PCGF3: variants seen among roughly 807,000 people sequenced by gnomAD.
PCGF3 encodes the protein polycomb group RING finger protein 3.
A neutral mutation model predicts 33.1 loss-of-function variants in PCGF3; 7 were observed. The ratio of observed to expected loss-of-function variants is 0.21; its 90% CI spans 0.12 to 0.40. The LOEUF is 0.40. Among genes scored for constraint, PCGF3 ranks in the 10% least tolerant of loss-of-function variants. PCGF3 has a pLI of 1.00. For synonymous variants in PCGF3, 153 were observed against 121.3 expected, an observed-to-expected ratio of 1.26 and a Z score of -1.72; for missense variants, 211 against 313.3, an observed-to-expected ratio of 0.67 and a Z score of 2.46.
At chr4:730,229 G>A (rs969075288) in intron 1 of PCGF3, among the ~76,000 whole-genome samples, 3 of 152,232 alleles carry the variant, frequency 2.0e-5, no homozygotes, top group Admixed American at 2.0e-4. Context: ...TGGCTGCGTC[G>A]TGGAGCCAGC....
Position 725,699 on chromosome 4 carries a change from C to T in PCGF3, c.-189-4931C>T, listed in dbSNP as rs920320133. On this transcript the variant is annotated intron_variant, in intron 1 of 10. Transcript: ENST00000362003. ...TCTGCGCTGTGGCTGTGTGGGCTGC[C>T]GAGGGCTGCTGTGGGCTCTGTGCTG... 5.2e-4 allele frequency among the ~76,000 whole-genome samples: 79 copies of T among 151,130 alleles called. 3 individuals are homozygous for T. Among genetic ancestry groups the T allele is most frequent in the Non-Finnish European group, 1.6e-4 (11 of 67,684 alleles).
intron 1 of PCGF3, among the ~76,000 whole-genome samples, chr4:718,967 T>G (rs572003465): frequency 1.3e-5 from 2 of 152,320 alleles, no homozygotes; most frequent in South Asian, 2.1e-4. Context: ...CTTTTTTTAA[T>G]TTTTTGAGTT....
chr4:716,081 C>T (rs75459287), intron 1 of PCGF3, among the ~76,000 whole-genome samples: 17 of 97,520 alleles, frequency 1.7e-4, no homozygotes, highest in East Asian at 3.3e-4. Flanking sequence ...GTGTGAGAAC[C>T]GGGCATCGGT....
chr4:769,918 ATTT>A (rs1246105860), exon 11 of PCGF3: 4 of 152,554 alleles, frequency 2.6e-5, no homozygotes, highest in Non-Finnish European at 5.9e-5. Flanking sequence ...GAAAGTTTAC[ATTT>A]TTTATGCTTT....
intron 6 of PCGF3, among the ~76,000 whole-genome samples, chr4:740,035 C>T (rs1744018794): frequency 6.6e-6 from 1 of 152,244 alleles, no homozygotes; most frequent in South Asian, 2.1e-4. Context: ...AAACTATTAG[C>T]AGTGCACCTA....
rs183822348 is a variant in PCGF3 at position 709,417 on chromosome 4, G to A, written c.-190+3447G>A. Among the ~76,000 whole-genome samples the A allele has an allele frequency of 4.3e-4, 65 of 152,258 alleles. 1 individual carries two copies. Among genetic ancestry groups the A allele is most frequent in the African/African-American group, 1.5e-3 (64 of 41,518 alleles). On this transcript the variant is annotated intron_variant, in intron 1 of 10. Coordinates refer to ENST00000362003, the Ensembl canonical transcript of PCGF3. ...ACATGAATGAAAGGCAAGAGTGAATGATGCATGAACAAATGAATGAAAGGC... is the reference window on the plus strand; with the variant it reads ...ACATGAATGAAAGGCAAGAGTGAATAATGCATGAACAAATGAATGAAAGGC...
exon 11 of PCGF3, chr4:768,719 A>G (rs1217676019): frequency 6.6e-6 from 1 of 152,598 alleles, no homozygotes; most frequent in Non-Finnish European, 1.5e-5. Context: ...TATTTATTCT[A>G]TTTTAAGCCT....
At chr4:710,339 G>C (rs1447335708) in intron 1 of PCGF3, among the ~76,000 whole-genome samples, 3 of 152,242 alleles carry the variant, frequency 2.0e-5, no homozygotes, top group African/African-American at 7.2e-5. Context: ...AGCCAGAGAG[G>C]GACAGGAAGG....
At chr4:715,824 G>A (rs1371617144) in intron 1 of PCGF3, among the ~76,000 whole-genome samples, 3 of 89,846 alleles carry the variant, frequency 3.3e-5, no homozygotes, top group Admixed American at 1.0e-4. Context: ...AGAACTGGGC[G>A]TGGGTGCTGG....
At chr4:758,680 G>T (rs113486737) in intron 8 of PCGF3, among the ~76,000 whole-genome samples, 33 of 62,334 alleles carry the variant, frequency 5.3e-4, no homozygotes, top group South Asian at 2.1e-3. Flanking sequence ...CTTTCTCCCC[G>T]CGCGGCCCCT....
chr4:717,269 C>T (rs1482895080), intron 1 of PCGF3, among the ~76,000 whole-genome samples: 9 of 119,798 alleles, frequency 7.5e-5, no homozygotes, highest in South Asian at 3.3e-4. Context: ...AACTGAGCGT[C>T]GGTGCTGGGA....
intron 9 of PCGF3, 88 bp downstream of exon 9, chr4:761,504 G>GT (rs1745056259): frequency 2.8e-6 from 4 of 1,447,670 alleles, no homozygotes; most frequent in Non-Finnish European, 3.7e-6. Flanking sequence ...GTTTTGTTTT[G>GT]TTTTTAACAA....
chr4:753,536 C>T (rs773509366), intron 8 of PCGF3, among the ~76,000 whole-genome samples: 29 of 151,750 alleles, frequency 1.9e-4, no homozygotes, highest in East Asian at 9.7e-4. Context: ...CACCTGTACT[C>T]GGAGGCTGAG....
chr4:718,578 C>A (rs964304073), intron 1 of PCGF3, among the ~76,000 whole-genome samples: 1 of 152,226 alleles, frequency 6.6e-6, no homozygotes. Flanking sequence ...CAGCCCTGTC[C>A]GTGTGAGTGC....
At chr4:762,183 C>T (rs1489174706) in intron 9 of PCGF3, 3 of 695,526 alleles carry the variant, frequency 4.3e-6, no homozygotes, top group Non-Finnish European at 5.3e-6. Context: ...GGAAAAGGAT[C>T]TTTGTAGATA....
chr4:765,591 T>C (rs938244548), intron 10 of PCGF3, among the ~76,000 whole-genome samples: 1 of 152,168 alleles, frequency 6.6e-6, no homozygotes, highest in Non-Finnish European at 1.5e-5. Context: ...ATGAGTGCCA[T>C]GAGCAGAGGG....
At chr4:760,526 C>T (rs1266006117) in intron 8 of PCGF3, among the ~76,000 whole-genome samples, 1 of 152,100 alleles carries the variant, frequency 6.6e-6, no homozygotes, top group Admixed American at 6.5e-5. Context: ...GGTGTCCTCC[C>T]TTTTGTATCT....
Position 720,492 on chromosome 4 carries a change from G to A in PCGF3, c.-189-10138G>A, listed in dbSNP as rs1743027335. Among the ~76,000 whole-genome samples, 1 of 152,214 alleles carries A rather than the reference G, an allele frequency of 6.6e-6. No individual in the cohort carries two copies. Among genetic ancestry groups the A allele is most frequent in the Non-Finnish European group, 1.5e-5 (1 of 68,036 alleles). ...CAGGGGCTGGCCCACCCGTGAGTGG[G>A]TAGGGCCTCCTGCCAGGGAGCCTTG... is the stretch of plus-strand genomic sequence containing the variant. On this transcript the variant is annotated intron_variant, in intron 1 of 10. Coordinates refer to ENST00000362003, the Ensembl canonical transcript of PCGF3. The surrounding 1 kb of genome is among the most constrained non-coding windows in gnomAD (Gnocchi z 5.6).
In PCGF3 at chr4:720,150, C is replaced by T. The variant is rs1294320059; in HGVS notation, c.-189-10480C>T. Among the ~76,000 whole-genome samples the T allele has an allele frequency of 6.6e-6, 1 of 152,206 alleles. No homozygotes were observed. The highest frequency in any genetic ancestry group is 1.5e-5 in the Non-Finnish European group (1 of 68,032). On this transcript the variant is annotated intron_variant, in intron 1 of 10. Coordinates refer to ENST00000362003, the Ensembl canonical transcript of PCGF3. This position sits in a 1 kb window ranked among gnomAD's most constrained non-coding sequence, Gnocchi z 5.6. Reference sequence around the variant, plus strand: ...GTGACAGCCCTGGACGTGCTGTCGCCTCATGAGGACGCCGATGTGGCCCTG... The same window carrying T: ...GTGACAGCCCTGGACGTGCTGTCGCTTCATGAGGACGCCGATGTGGCCCTG...
Sources: gnomAD v4.1 joint callset for allele counts (sites outside exome capture counted in the v4.1 genomes callset) on GRCh38, gnomAD v4.1.1 for gene constraint, Gnocchi (gnomAD v3.1) non-coding constraint, MANE v1.5 for transcripts, NCBI Gene and HGNC (gene_info 2026-07-23, HGNC 2026-07-21) for gene names.